The following KLHL29 variants were observed in gnomAD, a reference collection of about 807,000 sequenced individuals.
KLHL29 encodes kelch-like protein 29.
KLHL29 carries 21 observed loss-of-function variants against 80.4 expected under a neutral mutation model. That is an observed-to-expected ratio of 0.26 (90% CI 0.19 to 0.38). The LOEUF (loss-of-function observed/expected upper bound fraction) is 0.38. Among genes scored for constraint, KLHL29 ranks in the 10% least tolerant of loss-of-function variants. The pLI is 1.00. For synonymous variants in KLHL29, 511 were observed against 526.8 expected, an observed-to-expected ratio of 0.97 and a Z score of 0.41; for missense variants, 867 against 1,223.9, an observed-to-expected ratio of 0.71 and a Z score of 4.35.
At chr2:23,410,901 A>G (rs991635065) in intron 1 of KLHL29, among the ~76,000 whole-genome samples, 1 of 152,150 alleles carries the variant, frequency 6.6e-6, no homozygotes, top group African/African-American at 2.4e-5. Flanking sequence ...TCTCTTGAGT[A>G]CAGAGATGGA....
intron 2 of KLHL29, among the ~76,000 whole-genome samples, chr2:23,500,355 T>C (rs1665405019): frequency 6.6e-6 from 1 of 152,166 alleles, no homozygotes; most frequent in Non-Finnish European, 1.5e-5. Context: ...GTGGAGAAAG[T>C]TTAATTGTTA....
chr2:23,448,352 A>T (rs1286957352), intron 1 of KLHL29, among the ~76,000 whole-genome samples: 1 of 152,194 alleles, frequency 6.6e-6, no homozygotes, highest in Non-Finnish European at 1.5e-5. Flanking sequence ...GATCCTTGTG[A>T]CAACCCTTTG....
chr2:23,582,389 A>G (rs1347457622), intron 3 of KLHL29, among the ~76,000 whole-genome samples: 1 of 152,156 alleles, frequency 6.6e-6, no homozygotes, highest in Non-Finnish European at 1.5e-5. Context: ...TATTATTGTT[A>G]TTTAACATTT....
At chr2:23,558,303 C>T (rs1057183192) in intron 2 of KLHL29, among the ~76,000 whole-genome samples, 20 of 152,162 alleles carry the variant, frequency 1.3e-4, no homozygotes, top group Admixed American at 5.9e-4. Context: ...TTGGGAGAGG[C>T]GTCTACACTG....
At chr2:23,440,752 A>G (rs1240622150) in intron 1 of KLHL29, among the ~76,000 whole-genome samples, 1 of 152,172 alleles carries the variant, frequency 6.6e-6, no homozygotes, top group Non-Finnish European at 1.5e-5. Flanking sequence ...TGGCCATCAG[A>G]GAAATGCAAA....
chr2:23,633,757 G>GTGTGTGTGTC (rs1669533333), intron 3 of KLHL29, among the ~76,000 whole-genome samples: 1 of 2,722 alleles, frequency 3.7e-4, no homozygotes, highest in African/African-American at 3.8e-3. Context: ...CACAGCACTC[G>GTGTGTGTGTC]TGTGTGTGTG....
chr2:23,455,001 TG>T lies in KLHL29; in HGVS notation c.-153-20549del, dbSNP rs10679555. ...ACTCGTAGAAACAGGAACAGTGGGT[TG>T]GGGGGGGGGCATTTATTTCTCTCGC... On this transcript the variant is annotated intron_variant, in intron 1 of 13. Transcript: ENST00000486442. Among the ~76,000 whole-genome samples, 207 of 126,976 alleles carry T rather than the reference TG, an allele frequency of 1.6e-3. 1 individual carries two copies. Among genetic ancestry groups the T allele is most frequent in the African/African-American group, 6.0e-3 (182 of 30,278 alleles). The allele number at this position is 126,976 out of a possible 152,430, so 83.3% of individuals were successfully genotyped here. A position where few individuals can be genotyped will look rare whatever the true frequency, so the allele number is the denominator to read the frequency against.
intron 2 of KLHL29, among the ~76,000 whole-genome samples, chr2:23,481,561 G>A (rs970296065): frequency 6.6e-6 from 1 of 152,216 alleles, no homozygotes; most frequent in Non-Finnish European, 1.5e-5. Flanking sequence ...GCCTCGTTCT[G>A]TAACCCCACA....
At chr2:23,442,574 G>A (rs188956965) in intron 1 of KLHL29, among the ~76,000 whole-genome samples, 21 of 152,332 alleles carry the variant, frequency 1.4e-4, no homozygotes, top group Non-Finnish European at 2.2e-4. Flanking sequence ...GGCCTTCCCC[G>A]GAGCCTCCAG....
At chr2:23,513,717 C>G (rs1335379087) in intron 2 of KLHL29, among the ~76,000 whole-genome samples, 1 of 152,042 alleles carries the variant, frequency 6.6e-6, no homozygotes, top group African/African-American at 2.4e-5. Context: ...AGGGAGAGAT[C>G]GGAAGTGCTG....
chr2:23,407,708 A>C (rs1387092512), intron 1 of KLHL29, among the ~76,000 whole-genome samples: 3 of 151,622 alleles, frequency 2.0e-5, no homozygotes, highest in Admixed American at 1.3e-4. Context: ...GCGCAGTTGC[A>C]TTTTCTTCTA....
At chr2:23,535,247 C>T (rs1028730129) in intron 2 of KLHL29, among the ~76,000 whole-genome samples, 2 of 152,226 alleles carry the variant, frequency 1.3e-5, no homozygotes, top group Non-Finnish European at 1.5e-5. Context: ...ACAGTCTCTG[C>T]ATTTGTGGAA....
chr2:23,461,354 T>C (rs533165426), intron 1 of KLHL29, among the ~76,000 whole-genome samples: 1 of 152,314 alleles, frequency 6.6e-6, no homozygotes, highest in East Asian at 1.9e-4. Context: ...GGGTCTGAGC[T>C]CTGGGACTAG....
chr2:23,564,413 G>A (rs1282504483), intron 3 of KLHL29, among the ~76,000 whole-genome samples: 1 of 152,210 alleles, frequency 6.6e-6, no homozygotes, highest in Non-Finnish European at 1.5e-5. Flanking sequence ...TCATTCCTGT[G>A]AGGACAGCCC....
In KLHL29 at chr2:23,639,178, C is replaced by T. The variant is rs1443195070; in HGVS notation, c.325C>T (p.Leu109=). Residue 109 remains leucine (L), a synonymous_variant, in exon 4 of 14, where the codon CTG becomes TTG. Coordinates refer to ENST00000486442, the MANE Select transcript of KLHL29 (RefSeq NM_052920.2). The stretch of plus-strand genomic sequence containing the variant: ...CAAAGGGGACAGTCAGTCCCAGGGA[C>T]TGGCGACCAGCATCCGGTGGGGGCA... ...ISKGDSQSQG[L]ATSIRWGQTP... 6.5e-7 allele frequency: 1 copy of T among 1,545,748 alleles called. No individual in the cohort carries two copies. Among genetic ancestry groups the T allele is most frequent in the African/African-American group, 1.4e-5 (1 of 72,832 alleles).
chr2:23,409,467 A>T (rs1666811667), intron 1 of KLHL29, among the ~76,000 whole-genome samples: 1 of 152,220 alleles, frequency 6.6e-6, no homozygotes. Context: ...CGTTGGACGA[A>T]CAACTCATCT....
At chr2:23,643,167 A>C in intron 5 of KLHL29, 3 of 508,724 alleles carry the variant, frequency 5.9e-6, no homozygotes, top group Admixed American at 2.9e-5. Flanking sequence ...TCCAACCCCC[A>C]AGGCCAGGCC....
chr2:23,622,072 C>T (rs1371746379), intron 3 of KLHL29, among the ~76,000 whole-genome samples: 1 of 152,216 alleles, frequency 6.6e-6, no homozygotes, highest in African/African-American at 2.4e-5. Flanking sequence ...CACATCCTTC[C>T]AGCACCCTCT....
At chr2:23,553,557 A>T (rs1232873566) in intron 2 of KLHL29, among the ~76,000 whole-genome samples, 1 of 151,866 alleles carries the variant, frequency 6.6e-6, no homozygotes, top group African/African-American at 2.4e-5. Context: ...CGAACACCTC[A>T]CCCCCTGAGG....
Sources: allele counts gnomAD v4.1 joint callset (sites outside exome capture counted in the v4.1 genomes callset), GRCh38; gene constraint gnomAD v4.1.1; transcripts MANE v1.5; gene names NCBI Gene and HGNC (gene_info 2026-07-23, HGNC 2026-07-21).